Variants in HGD observed in about 807,000 individuals in gnomAD.
HGD encodes the protein homogentisate 1,2-dioxygenase.
HGD carries 61 observed loss-of-function variants against 60.8 expected under a neutral mutation model. The observed-to-expected ratio is 1.00, with a 90% CI of 0.82 to 1.24. The LOEUF (loss-of-function observed/expected upper bound fraction) is 1.24. Among genes scored for constraint, HGD ranks in the 50% most tolerant of loss-of-function variants. The pLI, the probability that HGD is intolerant of heterozygous loss-of-function variation, is 0.00. For synonymous variants in HGD, 212 were observed against 187.7 expected (o/e 1.13, Z -1.06); for missense variants, 542 against 547.1 (o/e 0.99, Z 0.09).
At chr3:120,648,243 GGT>G (rs1347274577) in intron 6 of HGD, among the ~76,000 whole-genome samples, 1 of 152,210 alleles carries the variant, frequency 6.6e-6, no homozygotes, top group African/African-American at 2.4e-5. Flanking sequence ...GATATCTGAA[GGT>G]GTTATCTAGG....
chr3:120,669,804 T>C (rs1707985094), intron 4 of HGD, among the ~76,000 whole-genome samples: 1 of 152,340 alleles, frequency 6.6e-6, no homozygotes, highest in East Asian at 1.9e-4. Flanking sequence ...TTGTGAATTG[T>C]CCTTTGCCCA....
chr3:120,656,564 G>C (rs1009425258), intron 4 of HGD, among the ~76,000 whole-genome samples: 1 of 40,230 alleles, frequency 2.5e-5, no homozygotes, highest in Non-Finnish European at 8.1e-5. Context: ...TCTTTTTTTT[G>C]GGGGGGGGTT....
In HGD at chr3:120,641,592, A is replaced by G. The variant is rs1213371645; in HGVS notation, c.876T>C (p.His292=). Residue 292 remains histidine (H), a synonymous_variant, in exon 11 of 14, where the codon CAT becomes CAC. Transcript: ENST00000283871. ...CCCCTACAGGGTTCAGACTTACTGC[A>G]TGGTCAAAGGCCACTGAGTTGATAA... is the stretch of plus-strand genomic sequence containing the variant. ...FMVINSVAFD[H]ADPSIFTVLT... 2.5e-6 allele frequency: 4 copies of G among 1,609,804 alleles called. No individual in the cohort carries two copies. Among genetic ancestry groups the G allele is most frequent in the Admixed American group, 1.7e-5 (1 of 59,994 alleles).
intron 12 of HGD, among the ~76,000 whole-genome samples, chr3:120,633,802 G>C (rs1940669158): frequency 6.6e-6 from 1 of 152,092 alleles, no homozygotes; most frequent in Non-Finnish European, 1.5e-5. Context: ...GAGGGTGTGT[G>C]GTTTTGATGG....
intron 12 of HGD, among the ~76,000 whole-genome samples, chr3:120,638,231 G>T (rs1940845319): frequency 1.3e-5 from 2 of 152,108 alleles, no homozygotes; most frequent in African/African-American, 4.8e-5. Context: ...AAATTAAGTA[G>T]CCTCAGGTAT....
chr3:120,660,965 A>C (rs538358626), intron 4 of HGD, among the ~76,000 whole-genome samples: 1 of 152,338 alleles, frequency 6.6e-6, no homozygotes, highest in East Asian at 1.9e-4. Context: ...TATAGAACAT[A>C]ATAGTCACTC....
At chr3:120,650,723 C>A (rs776881864) in intron 6 of HGD, 51 bp downstream of exon 6, 1 of 1,404,642 alleles carries the variant, frequency 7.1e-7, no homozygotes, top group South Asian at 1.2e-5. Context: ...GACTTCTGGC[C>A]AAAATCCCTT....
At chr3:120,647,759 C>T in intron 7 of HGD, 118 bp downstream of exon 7, 1 of 889,928 alleles carries the variant, frequency 1.1e-6, no homozygotes, top group Non-Finnish European at 1.9e-6. Context: ...CTCTGGATTG[C>T]ACTAAATGAA....
chr3:120,641,492 T>G, intron 11 of HGD, 97 bp downstream of exon 11: 1 of 823,376 alleles, frequency 1.2e-6, no homozygotes, highest in Non-Finnish European at 2.2e-6. Flanking sequence ...AATGGTGACA[T>G]TGGAAATGTT....
chr3:120,628,557 A>G (rs1435226998), intron 13 of HGD, 28 bp from the exon 14 acceptor site: 1 of 1,612,440 alleles, frequency 6.2e-7, no homozygotes, highest in Admixed American at 1.7e-5. Context: ...GGGGATGAGA[A>G]AAAAGAGGTG....
chr3:120,670,623 C>G, intron 3 of HGD, 91 bp from the exon 4 acceptor site: 1 of 798,970 alleles, frequency 1.3e-6, no homozygotes, highest in Non-Finnish European at 2.3e-6. Flanking sequence ...CAGGAAGACA[C>G]TCAAGTCAAC....
intron 4 of HGD, among the ~76,000 whole-genome samples, chr3:120,663,660 AAAG>A (rs1707830402): frequency 6.6e-6 from 1 of 152,212 alleles, no homozygotes; most frequent in African/African-American, 2.4e-5. Context: ...TTCAGGAAGA[AAAG>A]AAGGAGGTCT....
intron 5 of HGD, among the ~76,000 whole-genome samples, chr3:120,651,913 T>C (rs140302642): frequency 0.014 from 2,149 of 152,302 alleles, 27 homozygotes; most frequent in Non-Finnish European, 0.02. Flanking sequence ...ATGGGAAATA[T>C]TTTATATTTA....
In HGD at chr3:120,677,041, A is replaced by T. The variant is rs142359887; in HGVS notation, c.16-1178T>A. Among the ~76,000 whole-genome samples the T allele has an allele frequency of 3.2e-4, 49 of 152,258 alleles. No individual in the cohort carries two copies. In the East Asian group the frequency reaches 9.1e-3, roughly 28 times the overall value. ...TGTAAAGATTTCATGGACACTTATC[A>T]CTTCCCCAGTCAATATCCTTGTGAT... On this transcript the variant is annotated intron_variant, in intron 1 of 13. Coordinates refer to ENST00000283871, the MANE Select transcript of HGD (RefSeq NM_000187.4).
chr3:120,642,129 G>A (rs1941001906), intron 10 of HGD, among the ~76,000 whole-genome samples: 2 of 152,188 alleles, frequency 1.3e-5, no homozygotes, highest in Admixed American at 6.5e-5. Flanking sequence ...CAGTGCCTGG[G>A]TTGGTGAGTC....
chr3:120,668,560 G>C (rs1198211568), intron 4 of HGD, among the ~76,000 whole-genome samples: 1 of 151,996 alleles, frequency 6.6e-6, no homozygotes, highest in African/African-American at 2.4e-5. Flanking sequence ...GGGAGGGAAA[G>C]AGGGCAGAAG....
intron 1 of HGD, among the ~76,000 whole-genome samples, chr3:120,679,753 A>G (rs894760453): frequency 7.9e-5 from 12 of 152,200 alleles, no homozygotes; most frequent in Non-Finnish European, 1.6e-4. Context: ...GGTAGCCTCT[A>G]GAAGAGGAAA....
At chr3:120,663,162 G>C (rs912044694) in intron 4 of HGD, among the ~76,000 whole-genome samples, 3 of 152,106 alleles carry the variant, frequency 2.0e-5, no homozygotes, top group Non-Finnish European at 4.4e-5. Context: ...GAGGGGAAGG[G>C]GAAGGTTGGG....
chr3:120,631,686 G>C (rs776440023), intron 13 of HGD, among the ~76,000 whole-genome samples: 11 of 152,130 alleles, frequency 7.2e-5, no homozygotes, highest in Non-Finnish European at 1.5e-4. Flanking sequence ...CTCCAAACAA[G>C]AATAAGGATA....
Sources: gnomAD v4.1 joint callset for allele counts (sites outside exome capture counted in the v4.1 genomes callset) on GRCh38, gnomAD v4.1.1 for gene constraint, MANE v1.5 for transcripts, NCBI Gene and HGNC (gene_info 2026-07-23, HGNC 2026-07-21) for gene names.